The following TXNL1 variants were observed in gnomAD, a reference collection of about 807,000 sequenced individuals.
The protein encoded by TXNL1 is thioredoxin like 1, also known as thioredoxin-like protein 1.
In TXNL1, 14 loss-of-function variants were observed where a neutral mutation model predicts 35.5. The ratio of observed to expected loss-of-function variants is 0.39; its 90% CI spans 0.26 to 0.62. The LOEUF (loss-of-function observed/expected upper bound fraction) is 0.62, where lower values mean the gene tolerates loss of function less well. TXNL1 is among the 20% of genes least tolerant of loss of function. The pLI, the probability that TXNL1 is intolerant of heterozygous loss-of-function variation, is 0.47. For synonymous variants in TXNL1, 110 were observed against 115.5 expected, an observed-to-expected ratio of 0.95 and a Z score of 0.31; for missense variants, 263 against 349.7, an observed-to-expected ratio of 0.75 and a Z score of 1.98.
chr18:56,606,867 A>G (rs528845207), intron 7 of TXNL1, among the ~76,000 whole-genome samples: 23 of 152,228 alleles, frequency 1.5e-4, no homozygotes, highest in Non-Finnish European at 2.2e-4. Context: ...GTGCAGTACA[A>G]TAAGATATTT....
intron 3 of TXNL1, among the ~76,000 whole-genome samples, chr18:56,620,546 TC>T (rs1245072365): frequency 2.6e-5 from 4 of 152,220 alleles, no homozygotes; most frequent in African/African-American, 9.6e-5. Flanking sequence ...TACTATTTCT[TC>T]TATTTCTCTA....
intron 1 of TXNL1, among the ~76,000 whole-genome samples, chr18:56,629,683 A>G (rs2024340824): frequency 6.6e-6 from 1 of 152,192 alleles, no homozygotes; most frequent in Non-Finnish European, 1.5e-5. Flanking sequence ...AGGTATTTTC[A>G]TTTTAAAATA....
rs1243808589 is a variant in TXNL1 at position 56,626,344 on chromosome 18, A to G, written c.195+17T>C. On this transcript the variant is annotated intron_variant, in intron 2 of 7. Transcript: ENST00000217515. ...TTCAAAAGTAAATTAAAAAGAAAAA[A>G]GATTCCTTTCCCTTACCTGACACTG... 2.5e-6 allele frequency: 4 copies of G among 1,579,416 alleles called. No homozygotes were observed. The highest frequency in any genetic ancestry group is 1.2e-5 in the South Asian group (1 of 85,320).
intron 1 of TXNL1, among the ~76,000 whole-genome samples, chr18:56,636,331 A>G (rs2024454663): frequency 6.6e-6 from 1 of 152,198 alleles, no homozygotes; most frequent in African/African-American, 2.4e-5. Flanking sequence ...TTGATCTAAG[A>G]GGATTCTTAC....
chr18:56,626,063 T>C (rs904763210), intron 2 of TXNL1: 57 of 493,564 alleles, frequency 1.2e-4, no homozygotes, highest in Non-Finnish European at 1.5e-4. Flanking sequence ...GATATAATTC[T>C]AGGTTTGCAA....
intron 4 of TXNL1, 21 bp downstream of exon 4, chr18:56,617,983 T>A (rs778136714): frequency 1.9e-6 from 3 of 1,613,334 alleles, no homozygotes; most frequent in Middle Eastern, 1.7e-4. Context: ...CTCCACAAGC[T>A]TATCTTCAGC....
At chr18:56,608,490 A>G (rs2023938353) in intron 7 of TXNL1, 1 of 152,210 alleles carries the variant, frequency 6.6e-6, no homozygotes, top group African/African-American at 2.4e-5. Context: ...AGCCCAGAAC[A>G]CCAACAAGGG....
intron 6 of TXNL1, among the ~76,000 whole-genome samples, chr18:56,612,405 CTATATT>C (rs2024011700): frequency 6.6e-6 from 1 of 151,662 alleles, no homozygotes; most frequent in South Asian, 2.1e-4. Context: ...AAGCTTGACT[CTATATT>C]TAATAACTCC....
intron 1 of TXNL1, among the ~76,000 whole-genome samples, chr18:56,628,023 G>A (rs1403116642): frequency 6.6e-6 from 1 of 152,010 alleles, no homozygotes; most frequent in African/African-American, 2.4e-5. Flanking sequence ...TACAAAACAA[G>A]GAGAAGACTG....
rs773474328 is a variant in TXNL1, at chr18:56,616,256, C to T, written c.551G>A (p.Gly184Glu). The T allele has an allele frequency of 6.2e-7, 1 of 1,613,398 alleles. No homozygotes were observed. Among genetic ancestry groups the T allele is most frequent in the Non-Finnish European group, 8.5e-7 (1 of 1,179,748 alleles). ...TATCCTTTACTCACCATTATCTGGC[C>T]CTTGAAATTTCATGGAATAAAGCTT... ...PVKLYSMKFQ[G>E]PDNGQGPKYV... The change falls in exon 5 of 8, where the codon GGG (glycine) becomes GAG (glutamate). Residue 184 changes from glycine to glutamate, a missense_variant. Physicochemically the swap from Gly to Glu is moderately conservative, Grantham distance 98. Coordinates refer to ENST00000217515, the MANE Select transcript of TXNL1 (RefSeq NM_004786.3).
chr18:56,598,084 A>G lies in TXNL1; in HGVS notation c.*4943T>C, dbSNP rs1255038981. ...TCTTACACTTAACTCCCACTCTATG[A>G]ACACACTATGCACTTTTCCTTTACT... On this transcript the variant is annotated 3_prime_UTR_variant, in exon 8 of 8. Transcript: ENST00000217515. 2.0e-5 allele frequency: 3 copies of G among 152,180 alleles called. No individual in the cohort carries two copies. Among genetic ancestry groups the G allele is most frequent in the Non-Finnish European group, 4.4e-5 (3 of 68,032 alleles). 9.4% of individuals were successfully genotyped at this position (152,180 alleles called of 1,614,324 possible).
chr18:56,624,682 G>GT (rs2024246689), intron 2 of TXNL1, among the ~76,000 whole-genome samples: 2 of 152,032 alleles, frequency 1.3e-5, no homozygotes, highest in African/African-American at 4.8e-5. Context: ...CATTCCCCAT[G>GT]TTTTTATCAT....
At position 56,614,380 on chromosome 18, in the gene TXNL1, TACTC is replaced by T. The variant is rs1318440533; in HGVS notation, c.735+40_735+43del. On this transcript the variant is annotated intron_variant, in intron 6 of 7. Transcript: ENST00000217515. ...CCTAGGATACTGAAAATAGTATTGTTACTCACAAACCTATTAAATACATATGAAC... is the reference window on the plus strand; with the variant it reads ...CCTAGGATACTGAAAATAGTATTGTTACAAACCTATTAAATACATATGAAC... 2.6e-6 allele frequency: 4 copies of T among 1,534,480 alleles called. No homozygotes were observed. In the East Asian group the frequency reaches 9.0e-5, roughly 35 times the overall value.
At position 56,599,093 on chromosome 18, in the gene TXNL1, G is replaced by T. The variant is rs1292624363; in HGVS notation, c.*3934C>A. The T allele has an allele frequency of 6.6e-6, 1 of 152,134 alleles. No individual in the cohort carries two copies. Among genetic ancestry groups the T allele is most frequent in the East Asian group, 1.9e-4 (1 of 5,202 alleles). The allele number at this position is 152,134 out of a possible 1,614,324, so 9.4% of individuals were successfully genotyped here. A position where few individuals can be genotyped will look rare whatever the true frequency, so the allele number is the denominator to read the frequency against. Reference sequence around the variant, plus strand: ...CAGTTTTAACATTGCATATCCTTAAGATTTTAATATTCCAAGCTGTGTACA... The same window carrying T: ...CAGTTTTAACATTGCATATCCTTAATATTTTAATATTCCAAGCTGTGTACA... On this transcript the variant is annotated 3_prime_UTR_variant, in exon 8 of 8. Coordinates refer to ENST00000217515, the MANE Select transcript of TXNL1 (RefSeq NM_004786.3).
At chr18:56,630,596 C>A (rs2024355143) in intron 1 of TXNL1, among the ~76,000 whole-genome samples, 3 of 152,196 alleles carry the variant, frequency 2.0e-5, no homozygotes, top group Non-Finnish European at 4.4e-5. Flanking sequence ...ACCAATACAA[C>A]TTCCATATCA....
At chr18:56,603,963 A>G (rs1199063957) in intron 7 of TXNL1, among the ~76,000 whole-genome samples, 1 of 152,214 alleles carries the variant, frequency 6.6e-6, no homozygotes, top group African/African-American at 2.4e-5. Flanking sequence ...CTATACCAGC[A>G]AAACTCATAA....
At chr18:56,632,446 C>G (rs913480168) in intron 1 of TXNL1, among the ~76,000 whole-genome samples, 1 of 152,028 alleles carries the variant, frequency 6.6e-6, no homozygotes, top group African/African-American at 2.4e-5. Flanking sequence ...TTCACAAACT[C>G]ATGTCACCTC....
At chr18:56,623,783 C>G (rs1598920165) in intron 3 of TXNL1, among the ~76,000 whole-genome samples, 1 of 150,010 alleles carries the variant, frequency 6.7e-6, no homozygotes, top group African/African-American at 2.4e-5. Context: ...GATTCTAAAA[C>G]AAAATCAGTA....
intron 1 of TXNL1, among the ~76,000 whole-genome samples, chr18:56,629,046 A>G (rs879702689): frequency 2.0e-5 from 3 of 152,226 alleles, no homozygotes; most frequent in Non-Finnish European, 4.4e-5. Context: ...TGATTGGGTC[A>G]TATCTATTCA....
Sources: allele counts gnomAD v4.1 joint callset (sites outside exome capture counted in the v4.1 genomes callset), GRCh38; gene constraint gnomAD v4.1.1; transcripts MANE v1.5; gene names NCBI Gene and HGNC (gene_info 2026-07-23, HGNC 2026-07-21).